Variants in TMCC1 observed in about 807,000 individuals in gnomAD.
The protein encoded by TMCC1 is transmembrane and coiled-coil domain family 1, also known as transmembrane and coiled-coil domains protein 1.
A neutral mutation model predicts 52.4 loss-of-function variants in TMCC1; 15 were observed. The ratio of observed to expected loss-of-function variants is 0.29; its 90% CI spans 0.19 to 0.44. The LOEUF is 0.44. TMCC1 is among the 20% of genes least tolerant of loss of function. The pLI, the probability that TMCC1 is intolerant of heterozygous loss-of-function variation, is 1.00. For synonymous variants in TMCC1, 279 were observed against 301.9 expected (o/e 0.92, Z 0.79); for missense variants, 503 against 806.0 (o/e 0.62, Z 4.55).
chr3:129,849,992 T>C (rs141473939), intron 2 of TMCC1, among the ~76,000 whole-genome samples: 1 of 152,260 alleles, frequency 6.6e-6, no homozygotes, highest in East Asian at 1.9e-4. Flanking sequence ...TCTATTTCAA[T>C]TAACATTTAG....
chr3:129,852,624 T>A (rs957410185), intron 2 of TMCC1, among the ~76,000 whole-genome samples: 1 of 152,170 alleles, frequency 6.6e-6, no homozygotes, highest in African/African-American at 2.4e-5. Flanking sequence ...CTGGTCCTGA[T>A]GGTTACACAT....
At chr3:129,759,381 C>T (rs973970698) in intron 4 of TMCC1, among the ~76,000 whole-genome samples, 1 of 151,442 alleles carries the variant, frequency 6.6e-6, no homozygotes, top group Non-Finnish European at 1.5e-5. Flanking sequence ...GATTCTCCTG[C>T]CTCATCCTCC....
Position 129,870,718 on chromosome 3 carries a change from CGGGGGGG to C in TMCC1, c.-184+9584_-184+9590del, listed in dbSNP as rs56383150. On this transcript the variant is annotated intron_variant, in intron 2 of 6. Transcript: ENST00000393238. ...CGTGCCACTGCACTCCGCGGGTTGGCGGGGGGGGGGGGGGGGGGGCGACAGAGCAAGA... is the reference window on the plus strand; with the variant it reads ...CGTGCCACTGCACTCCGCGGGTTGGCGGGGGGGGGGGGCGACAGAGCAAGA... Among the ~76,000 whole-genome samples the C allele has an allele frequency of 4.8e-3, 66 of 13,894 alleles. 1 individual carries two copies. The highest frequency in any genetic ancestry group is 7.8e-3 in the African/African-American group (60 of 7,658). The allele number at this position is 13,894 out of a possible 152,430, so 9.1% of individuals were successfully genotyped here. A position where few individuals can be genotyped will look rare whatever the true frequency, so the allele number is the denominator to read the frequency against.
chr3:129,798,910 C>G (rs1272155929), intron 4 of TMCC1, among the ~76,000 whole-genome samples: 3 of 152,128 alleles, frequency 2.0e-5, no homozygotes, highest in Non-Finnish European at 4.4e-5. Context: ...TTTTAGGCCC[C>G]TTAAATGAGA....
intron 4 of TMCC1, among the ~76,000 whole-genome samples, chr3:129,716,347 T>C (rs1336892984): frequency 6.9e-6 from 1 of 143,924 alleles, no homozygotes; most frequent in Admixed American, 7.0e-5. Flanking sequence ...TTTTTTTTTT[T>C]TTTTTGAGTT....
intron 4 of TMCC1, among the ~76,000 whole-genome samples, chr3:129,710,847 T>C (rs1305488033): frequency 6.6e-6 from 1 of 152,122 alleles, no homozygotes; most frequent in Non-Finnish European, 1.5e-5. Context: ...AAGAAATCTA[T>C]ATTCTCAGCC....
chr3:129,752,660 TCA>T (rs111582731), intron 4 of TMCC1, among the ~76,000 whole-genome samples: 89 of 148,198 alleles, frequency 6.0e-4, no homozygotes, highest in African/African-American at 1.6e-3. Flanking sequence ...AGCAAGACTG[TCA>T]CACACACACA....
intron 4 of TMCC1, among the ~76,000 whole-genome samples, chr3:129,765,714 T>C (rs994492245): frequency 6.6e-6 from 1 of 152,214 alleles, no homozygotes; most frequent in Admixed American, 6.5e-5. Context: ...CAGGTCATGG[T>C]CATCAGGATT....
intron 2 of TMCC1, among the ~76,000 whole-genome samples, chr3:129,844,758 C>A (rs1471743500): frequency 6.6e-6 from 1 of 152,198 alleles, no homozygotes; most frequent in African/African-American, 2.4e-5. Flanking sequence ...TCTAACTTAA[C>A]TGCTGGACTA....
At chr3:129,871,211 T>G (rs1199927778) in intron 2 of TMCC1, among the ~76,000 whole-genome samples, 1 of 151,862 alleles carries the variant, frequency 6.6e-6, no homozygotes, top group Admixed American at 6.6e-5. Flanking sequence ...ATGCAAAAAT[T>G]AGCCAGTTGT....
At chr3:129,677,355 G>T (rs1464332680) in intron 4 of TMCC1, among the ~76,000 whole-genome samples, 1 of 152,196 alleles carries the variant, frequency 6.6e-6, no homozygotes, top group Non-Finnish European at 1.5e-5. Context: ...GTCTGTTAAT[G>T]TGGGAAAATG....
intron 2 of TMCC1, among the ~76,000 whole-genome samples, chr3:129,844,693 C>CA (rs965440076): frequency 2.0e-5 from 3 of 152,116 alleles, no homozygotes; most frequent in African/African-American, 7.2e-5. Flanking sequence ...ATCTGAAATC[C>CA]AAAATCTGGT....
At chr3:129,743,221 C>T (rs1374894545) in intron 4 of TMCC1, among the ~76,000 whole-genome samples, 10 of 152,160 alleles carry the variant, frequency 6.6e-5, no homozygotes, top group Admixed American at 5.9e-4. Flanking sequence ...AAAGTCACTC[C>T]TCCATGAAAT....
chr3:129,854,306 C>T (rs551776779), intron 2 of TMCC1, among the ~76,000 whole-genome samples: 12 of 151,332 alleles, frequency 7.9e-5, no homozygotes, highest in Non-Finnish European at 1.2e-4. Flanking sequence ...ACAGCAGAAT[C>T]GCTCAAACCT....
chr3:129,788,767 C>T (rs2107743002), intron 4 of TMCC1, among the ~76,000 whole-genome samples: 1 of 152,258 alleles, frequency 6.6e-6, no homozygotes, highest in South Asian at 2.1e-4. Flanking sequence ...CACACCTGGC[C>T]TTACTGGGGT....
intron 4 of TMCC1, among the ~76,000 whole-genome samples, chr3:129,755,201 GA>G (rs1330563689): frequency 1.3e-5 from 2 of 152,158 alleles, no homozygotes; most frequent in African/African-American, 2.4e-5. Context: ...GTAGAAGATA[GA>G]GGGGGGAGGG....
At chr3:129,753,650 T>G (rs190973516) in intron 4 of TMCC1, among the ~76,000 whole-genome samples, 2 of 152,238 alleles carry the variant, frequency 1.3e-5, no homozygotes, top group Admixed American at 1.3e-4. Flanking sequence ...AAATGAAACA[T>G]TCATTCATGA....
At chr3:129,769,949 A>T (rs988711490) in intron 4 of TMCC1, among the ~76,000 whole-genome samples, 10 of 152,344 alleles carry the variant, frequency 6.6e-5, no homozygotes, top group African/African-American at 2.4e-4. Flanking sequence ...GCAATTAAAG[A>T]TATTTCTATA....
intron 1 of TMCC1, among the ~76,000 whole-genome samples, chr3:129,889,214 G>T (rs1280230370): frequency 6.6e-6 from 1 of 152,182 alleles, no homozygotes. Context: ...TGAGGCTGCA[G>T]TGAGATGAGA....
Sources: gnomAD v4.1 joint callset for allele counts (sites outside exome capture counted in the v4.1 genomes callset) on GRCh38, gnomAD v4.1.1 for gene constraint, MANE v1.5 for transcripts, NCBI Gene and HGNC (gene_info 2026-07-23, HGNC 2026-07-21) for gene names.